The following NHSL1 variants were observed in gnomAD, a reference collection of about 807,000 sequenced individuals.
NHSL1 encodes NHS like 1, also known as NHS-like protein 1.
A neutral mutation model predicts 95.0 loss-of-function variants in NHSL1; 48 were observed. The observed-to-expected ratio is 0.51, with a 90% CI of 0.40 to 0.64. The LOEUF is 0.64. NHSL1 is among the 30% of genes least tolerant of loss of function. The probability of loss-of-function intolerance (pLI) is 0.00; values close to 1 mark genes in which losing one functional copy is unlikely to be tolerated. For missense variants in NHSL1, 1,971 were observed against 2,077.7 expected, an observed-to-expected ratio of 0.95 and a Z score of 1.00; for synonymous variants, 783 against 833.9, an observed-to-expected ratio of 0.94 and a Z score of 1.05.
At chr6:138,647,808 G>C (rs1445873445) in intron 1 of NHSL1, among the ~76,000 whole-genome samples, 1 of 152,062 alleles carries the variant, frequency 6.6e-6, no homozygotes, top group African/African-American at 2.4e-5. Flanking sequence ...ATGTTGGCAA[G>C]GCTGGTCTCA....
intron 1 of NHSL1, among the ~76,000 whole-genome samples, chr6:138,538,684 C>G (rs1489847638): frequency 2.0e-5 from 3 of 152,192 alleles, no homozygotes; most frequent in Admixed American, 2.0e-4. Flanking sequence ...TAATGAAGAA[C>G]ATAGATGGCC....
At chr6:138,657,814 C>CAA (rs1051789759) in intron 1 of NHSL1, among the ~76,000 whole-genome samples, 1,221 of 32,376 alleles carry the variant, frequency 0.038, 74 homozygotes, top group African/African-American at 0.1. Context: ...GACTCCATCT[C>CAA]AAAAAAAAAA....
chr6:138,502,777 T>A (rs1029887427), upstream of NHSL1, among the ~76,000 whole-genome samples: 1 of 152,216 alleles, frequency 6.6e-6, no homozygotes, highest in African/African-American at 2.4e-5. Context: ...TAAAACGGGA[T>A]AACAACAGTG....
rs1454911791 is a variant in NHSL1 at position 138,692,035 on chromosome 6, C to T, written c.96+441G>A. The T allele has an allele frequency of 2.2e-6, 1 of 456,704 alleles. No homozygotes were observed. Among genetic ancestry groups the T allele is most frequent in the Non-Finnish European group, 4.4e-6 (1 of 226,962 alleles). 28.3% of individuals were successfully genotyped at this position (456,704 alleles called of 1,614,324 possible). On this transcript the variant is annotated intron_variant, in intron 1 of 3. Transcript: ENST00000491526. The surrounding 1 kb of genome is among the most constrained non-coding windows in gnomAD (Gnocchi z 4.0). Reference sequence around the variant, plus strand: ...GCCGAGATCCCCAGGGTTTTACAAACGGATCGTCCTGAAGTCTCCAAAACT... The same window carrying T: ...GCCGAGATCCCCAGGGTTTTACAAATGGATCGTCCTGAAGTCTCCAAAACT...
chr6:138,667,806 G>A (rs1391319228), intron 1 of NHSL1, among the ~76,000 whole-genome samples: 1 of 152,286 alleles, frequency 6.6e-6, no homozygotes, highest in Non-Finnish European at 1.5e-5. Context: ...AGAATATCAA[G>A]TGAAGTGCTG....
Position 138,431,264 on chromosome 6 carries a change from G to A in NHSL1, c.3081C>T (p.Asp1027=). ...GCCTGGTGTCTTTCATGAATTTGGG[G>A]TCAAGAGGTGGGGCAGGTGGGGGTT... ...SSEPPPAPPL[D]PKFMKDTRPP... The change falls in exon 6 of 8, where the codon GAC becomes GAT. Residue 1027 remains aspartate, a synonymous_variant. Coordinates refer to ENST00000343505, the MANE Select transcript of NHSL1 (RefSeq NM_001144060.2). The surrounding 1 kb of genome is among the most constrained non-coding windows in gnomAD (Gnocchi z 4.0). 1.3e-6 allele frequency: 2 copies of A among 1,508,832 alleles called. No homozygotes were observed. Among genetic ancestry groups the A allele is most frequent in the Non-Finnish European group, 1.8e-6 (2 of 1,125,016 alleles). 93.5% of individuals were successfully genotyped at this position (1,508,832 alleles called of 1,614,324 possible).
chr6:138,462,325 G>A (rs1778052660), intron 3 of NHSL1, among the ~76,000 whole-genome samples: 1 of 152,106 alleles, frequency 6.6e-6, no homozygotes, highest in African/African-American at 2.4e-5. Flanking sequence ...AATGAGGGGA[G>A]GATCTGAGGG....
At chr6:138,600,230 A>C (rs1225206974) in intron 1 of NHSL1, among the ~76,000 whole-genome samples, 1 of 151,998 alleles carries the variant, frequency 6.6e-6, no homozygotes, top group Non-Finnish European at 1.5e-5. Flanking sequence ...CTGTTCTTTT[A>C]TTTTCTTTTT....
intron 1 of NHSL1, among the ~76,000 whole-genome samples, chr6:138,496,734 A>G (rs1309634693): frequency 6.6e-6 from 1 of 152,218 alleles, no homozygotes; most frequent in East Asian, 1.9e-4. Flanking sequence ...AACAAATAGC[A>G]GTTACTCAAC....
intron 3 of NHSL1, among the ~76,000 whole-genome samples, chr6:138,450,807 C>T (rs1777179738): frequency 6.6e-6 from 1 of 152,174 alleles, no homozygotes. Flanking sequence ...GCATGGATGA[C>T]TTCCACAATG....
intron 1 of NHSL1, among the ~76,000 whole-genome samples, chr6:138,634,868 G>C (rs73566644): frequency 4.7e-5 from 7 of 150,058 alleles, no homozygotes; most frequent in South Asian, 2.1e-4. Flanking sequence ...ATAAAAACTA[G>C]AGATCAATAA....
At position 138,464,191 on chromosome 6, in the gene NHSL1, CAGCCTGACAGAGGCTGAG is replaced by C. The variant is rs144323291; in HGVS notation, c.339+9097_339+9114del. On this transcript the variant is annotated intron_variant, in intron 3 of 7. Transcript: ENST00000343505. ...TACAGTTATACCTGGGCACCAGGGG[CAGCCTGACAGAGGCTGAG>C]AGGCTGCTGGCCGCCAGCTTGGCCA... 2.6e-3 allele frequency: 1,870 copies of C among 713,974 alleles called. 33 individuals are homozygous for C. In the African/African-American group the frequency reaches 0.031, roughly 12 times the overall value. The allele number at this position is 713,974 out of a possible 1,614,324, so 44.2% of individuals were successfully genotyped here.
chr6:138,677,603 G>A (rs892756786), intron 1 of NHSL1, among the ~76,000 whole-genome samples: 1 of 152,184 alleles, frequency 6.6e-6, no homozygotes, highest in African/African-American at 2.4e-5. Context: ...AGAGGCAAAA[G>A]CTTTTTAAAG....
At position 138,517,616 on chromosome 6, in the gene NHSL1, T is replaced by C. The variant is rs75111613; in HGVS notation, c.17-21245A>G. On this transcript the variant is annotated intron_variant, in intron 1 of 4. Transcript: ENST00000342260. ...TTAGAGGCAAACAATAGAATCCAGTTTCATCATATTAATTAAGCAAATCCT... is the reference window on the plus strand; with the variant it reads ...TTAGAGGCAAACAATAGAATCCAGTCTCATCATATTAATTAAGCAAATCCT... 6.2e-3 allele frequency among the ~76,000 whole-genome samples: 950 copies of C among 152,274 alleles called. 23 individuals carry two copies. The highest frequency in any genetic ancestry group is 0.048 in the Admixed American group (737 of 15,298).
Position 138,429,694 on chromosome 6 carries a change from G to C in NHSL1, c.4085+17C>G, listed in dbSNP as rs774694536. On this transcript the variant is annotated intron_variant, in intron 7 of 7. Coordinates refer to ENST00000343505, the MANE Select transcript of NHSL1 (RefSeq NM_001144060.2). ...ATTACACAGTAGATTAAAGTCAGAG[G>C]AAGGAGTTTGAAATACCTGTGAATA... is the stretch of plus-strand genomic sequence containing the variant. The C allele has an allele frequency of 4.8e-5, 74 of 1,542,954 alleles. No individual in the cohort carries two copies. Among genetic ancestry groups the C allele is most frequent in the Non-Finnish European group, 6.0e-5 (69 of 1,143,310 alleles).
intron 1 of NHSL1, among the ~76,000 whole-genome samples, chr6:138,543,753 C>G (rs1373031247): frequency 6.6e-6 from 1 of 152,200 alleles, no homozygotes; most frequent in African/African-American, 2.4e-5. Context: ...TTATCATGGG[C>G]TTGCTTCATA....
intron 1 of NHSL1, among the ~76,000 whole-genome samples, chr6:138,566,927 G>A (rs1488096073): frequency 6.6e-6 from 1 of 152,138 alleles, no homozygotes; most frequent in African/African-American, 2.4e-5. Flanking sequence ...CTTTTGTTAA[G>A]ACACGAAGGT....
At chr6:138,604,339 T>A (rs1346569047) in intron 1 of NHSL1, among the ~76,000 whole-genome samples, 2 of 152,180 alleles carry the variant, frequency 1.3e-5, no homozygotes, top group East Asian at 3.9e-4. Flanking sequence ...TGAGAAGTAA[T>A]CATCTAAGGC....
At chr6:138,685,317 ACT>A (rs1344510233) in intron 1 of NHSL1, among the ~76,000 whole-genome samples, 1 of 152,172 alleles carries the variant, frequency 6.6e-6, no homozygotes, top group Non-Finnish European at 1.5e-5. Context: ...TAAAGGATAT[ACT>A]CTCATAATTC....
Sources: allele counts gnomAD v4.1 joint callset (sites outside exome capture counted in the v4.1 genomes callset), GRCh38; gene constraint gnomAD v4.1.1; non-coding constraint Gnocchi (gnomAD v3.1); transcripts MANE v1.5; gene names NCBI Gene and HGNC (gene_info 2026-07-23, HGNC 2026-07-21).